The following TXNDC11 variants were observed in gnomAD, a reference collection of about 807,000 sequenced individuals.
TXNDC11 encodes thioredoxin domain-containing protein 11.
TXNDC11 carries 68 observed loss-of-function variants against 78.0 expected under a neutral mutation model. That is an observed-to-expected ratio of 0.87 (90% CI 0.72 to 1.07). The LOEUF (loss-of-function observed/expected upper bound fraction) is 1.07. Ranked by LOEUF, TXNDC11 falls within the 50% of genes least tolerant of loss-of-function variation. The pLI is 0.00. For synonymous variants in TXNDC11, 571 were observed against 495.2 expected, an observed-to-expected ratio of 1.15 and a Z score of -2.03; for missense variants, 1,389 against 1,221.8, an observed-to-expected ratio of 1.14 and a Z score of -2.04.
rs755470208 is a variant in TXNDC11 at position 11,679,772 on chromosome 16, A to G, written c.2300T>C (p.Ile767Thr). The change falls in exon 12 of 12, where the codon ATT becomes ACT. Residue 767 changes from isoleucine (I) to threonine (T), a missense_variant. By Grantham distance (89) the Ile-to-Thr change is moderately conservative (BLOSUM62 -1). Coordinates refer to ENST00000283033, the MANE Select transcript of TXNDC11 (RefSeq NM_015914.7). The surrounding 1 kb of genome is among the most constrained non-coding windows in gnomAD (Gnocchi z 4.6). ...PITLPNLLRFILHHSDPASSP... is the reference protein window; with the variant it reads ...PITLPNLLRFTLHHSDPASSP... ...GGAAGCAGGGTCTGAGTGATGCAAA[A>G]TGAACCTCAACAGGTTTGGAAGGGT... 6.2e-7 allele frequency: 1 copy of G among 1,614,152 alleles called. No homozygotes were observed. The highest frequency in any genetic ancestry group is 1.3e-5 in the African/African-American group (1 of 75,044).
At chr16:11,722,301 A>G (rs1244832387) in intron 4 of TXNDC11, among the ~76,000 whole-genome samples, 1 of 151,986 alleles carries the variant, frequency 6.6e-6, no homozygotes, top group Non-Finnish European at 1.5e-5. Context: ...TCCACCCTAC[A>G]CATTCATTTC....
chr16:11,707,203 G>A (rs182206278), intron 5 of TXNDC11, among the ~76,000 whole-genome samples: 35 of 152,184 alleles, frequency 2.3e-4, no homozygotes, highest in African/African-American at 8.2e-4. Context: ...AAGGTGGGTG[G>A]ATCACCTGAG....
At chr16:11,694,366 C>T (rs933094062) in intron 7 of TXNDC11, among the ~76,000 whole-genome samples, 2 of 152,096 alleles carry the variant, frequency 1.3e-5, no homozygotes, top group Admixed American at 6.5e-5. Flanking sequence ...TCTCGAACTC[C>T]TGACCTCAGG....
At chr16:11,725,995 C>G (rs1264121306) in intron 4 of TXNDC11, among the ~76,000 whole-genome samples, 2 of 152,130 alleles carry the variant, frequency 1.3e-5, no homozygotes, top group Non-Finnish European at 2.9e-5. Flanking sequence ...TCAGCCTCAG[C>G]CTCCCAAGTA....
rs952836285 is a variant in TXNDC11 at position 11,742,414 on chromosome 16, A to C, written c.254+63T>G. ...TGAGGCCGCTGCGACCCGGCCCTGCAGGCTCCAGGCGGCAGAGCAAGGGGA... is the reference window on the plus strand; with the variant it reads ...TGAGGCCGCTGCGACCCGGCCCTGCCGGCTCCAGGCGGCAGAGCAAGGGGA... On this transcript the variant is annotated intron_variant, in intron 1 of 11. Transcript: ENST00000283033. The C allele has an allele frequency of 3.1e-6, 4 of 1,273,210 alleles. No individual in the cohort carries two copies. In the Admixed American group the frequency reaches 1.2e-4, roughly 39 times the overall value. The allele number at this position is 1,273,210 out of a possible 1,614,324, so 78.9% of individuals were successfully genotyped here. A position where few individuals can be genotyped will look rare whatever the true frequency, so the allele number is the denominator to read the frequency against.
chr16:11,718,003 G>T (rs982631999), intron 5 of TXNDC11, among the ~76,000 whole-genome samples: 4 of 150,518 alleles, frequency 2.7e-5, no homozygotes, highest in Admixed American at 2.6e-4. Context: ...TGCTGAGGTG[G>T]TAAGTGAATT....
chr16:11,727,734 C>CT (rs2141105007), intron 4 of TXNDC11, among the ~76,000 whole-genome samples: 1 of 143,292 alleles, frequency 7.0e-6, no homozygotes, highest in South Asian at 2.3e-4. Flanking sequence ...CTTCTCTCTA[C>CT]TGCCACCATT....
intron 8 of TXNDC11, chr16:11,691,052 C>T: frequency 1.9e-6 from 1 of 531,250 alleles, no homozygotes; most frequent in Non-Finnish European, 3.3e-6. Flanking sequence ...ACTCTTACCC[C>T]CACCATGGGC....
At chr16:11,723,067 G>C (rs910439457) in intron 4 of TXNDC11, among the ~76,000 whole-genome samples, 8 of 152,014 alleles carry the variant, frequency 5.3e-5, no homozygotes, top group Admixed American at 3.3e-4. Context: ...GACCAGCCTG[G>C]TCAACATGGT....
rs1445306661 is a variant in TXNDC11 at position 11,691,921 on chromosome 16, G to A, written c.1269C>T (p.Cys423=). ...ACTGGGGCAGCACCACAGTGTTGCA[G>A]CAGGGGGACGCTGTGATCGTTGGCG... The part of the protein sequence containing the change: ...PDPPTITASP[C]CNTVVLPQWH... Residue 423 remains cysteine (C), a synonymous_variant, in exon 8 of 12, where the codon TGC becomes TGT. Coordinates refer to ENST00000283033, the MANE Select transcript of TXNDC11 (RefSeq NM_015914.7). 2 of 1,613,366 alleles carry A rather than the reference G, an allele frequency of 1.2e-6. No homozygotes were observed. The highest frequency in any genetic ancestry group is 8.5e-7 in the Non-Finnish European group (1 of 1,179,398).
chr16:11,717,999 G>T (rs531470288), intron 5 of TXNDC11, among the ~76,000 whole-genome samples: 1 of 152,258 alleles, frequency 6.6e-6, no homozygotes, highest in South Asian at 2.1e-4. Flanking sequence ...AGAGTGCTGA[G>T]GTGGTAAGTG....
At chr16:11,712,929 A>AACACACACACACACACACACACAC (rs111887849) in intron 5 of TXNDC11, among the ~76,000 whole-genome samples, 19 of 142,086 alleles carry the variant, frequency 1.3e-4, no homozygotes, top group Non-Finnish European at 2.0e-4. Flanking sequence ...TTCCACTTAA[A>AACACACACACACACACACACACAC]ACACACACAC....
At chr16:11,703,186 A>T (rs964436681) in intron 5 of TXNDC11, among the ~76,000 whole-genome samples, 1 of 152,198 alleles carries the variant, frequency 6.6e-6, no homozygotes, top group African/African-American at 2.4e-5. Flanking sequence ...AACGGGTAAC[A>T]CCATGGTGAA....
At position 11,700,561 on chromosome 16, in the gene TXNDC11, T is replaced by C; in HGVS notation, c.797A>G (p.Tyr266Cys). ...AACCCCAAATCGTACTGTTCCTAGG[T>C]AATCTGAAACAGAAAATTTTCCTTT... ...TSALHSLKKDYLGTVRFGVIT... is the reference protein window; with the variant it reads ...TSALHSLKKDCLGTVRFGVIT... Residue 266 changes from tyrosine (Y) to cysteine (C), a missense_variant, in exon 6 of 12, where the codon TAC becomes TGC. Transcript: ENST00000283033. 3 of 1,566,140 alleles carry C rather than the reference T, an allele frequency of 1.9e-6. No homozygotes were observed. The highest frequency in any genetic ancestry group is 2.6e-6 in the Non-Finnish European group (3 of 1,139,300).
chr16:11,702,871 GGAGT>G (rs1383680766), intron 5 of TXNDC11, among the ~76,000 whole-genome samples: 2 of 152,138 alleles, frequency 1.3e-5, no homozygotes, highest in African/African-American at 2.4e-5. Flanking sequence ...GGATGAGGTC[GGAGT>G]GAGTATGTCC....
chr16:11,685,190 CCT>C (rs1183511716), intron 10 of TXNDC11, among the ~76,000 whole-genome samples: 1 of 152,076 alleles, frequency 6.6e-6, no homozygotes, highest in Non-Finnish European at 1.5e-5. Context: ...ATGGGGAAAC[CCT>C]GTCTCTACAA....
chr16:11,732,027 CCT>C (rs1168549669), intron 3 of TXNDC11, among the ~76,000 whole-genome samples: 1 of 152,134 alleles, frequency 6.6e-6, no homozygotes, highest in Admixed American at 6.5e-5. Flanking sequence ...GATGAGTTTT[CCT>C]GTTGTGATGT....
At chr16:11,714,074 T>A (rs1479356549) in intron 5 of TXNDC11, among the ~76,000 whole-genome samples, 2 of 151,690 alleles carry the variant, frequency 1.3e-5, no homozygotes, top group Non-Finnish European at 2.9e-5. Context: ...AAGGTCTCAC[T>A]TTCGTCACCC....
intron 4 of TXNDC11, among the ~76,000 whole-genome samples, chr16:11,724,979 T>A (rs570811326): frequency 3.3e-5 from 5 of 152,240 alleles, no homozygotes; most frequent in African/African-American, 1.2e-4. Flanking sequence ...ACTCCTGACC[T>A]CATGATCTGC....
Sources: allele counts gnomAD v4.1 joint callset (sites outside exome capture counted in the v4.1 genomes callset), GRCh38; gene constraint gnomAD v4.1.1; non-coding constraint Gnocchi (gnomAD v3.1); transcripts MANE v1.5; gene names NCBI Gene and HGNC (gene_info 2026-07-23, HGNC 2026-07-21).